Variants in HMCN1 observed in about 807,000 individuals in gnomAD.
The protein encoded by HMCN1 is hemicentin 1, also known as hemicentin-1.
In HMCN1, 321 loss-of-function variants were observed where a neutral mutation model predicts 625.9. The observed-to-expected ratio is 0.51, with a 90% CI of 0.47 to 0.56. The LOEUF is 0.56. Ranked by LOEUF, HMCN1 falls within the 20% of genes least tolerant of loss-of-function variation. The probability of loss-of-function intolerance (pLI) is 0.00; values close to 1 mark genes in which losing one functional copy is unlikely to be tolerated. For missense variants in HMCN1, 6,588 were observed against 6,887.3 expected (o/e 0.96, Z 1.54); for synonymous variants, 2,425 against 2,417.6 (o/e 1.00, Z -0.09).
chr1:186,140,407 T>A (rs1179198572), intron 89 of HMCN1, among the ~76,000 whole-genome samples: 1 of 151,998 alleles, frequency 6.6e-6, no homozygotes, highest in African/African-American at 2.4e-5. Flanking sequence ...GTCTAACATC[T>A]CCTCATGATT....
At chr1:186,032,194 A>G (rs1253551238) in intron 36 of HMCN1, among the ~76,000 whole-genome samples, 1 of 152,200 alleles carries the variant, frequency 6.6e-6, no homozygotes, top group African/African-American at 2.4e-5. Flanking sequence ...CAGAATTTAC[A>G]AGGAACTCAA....
chr1:186,135,625 G>A (rs139710822), intron 86 of HMCN1, among the ~76,000 whole-genome samples: 1 of 152,268 alleles, frequency 6.6e-6, no homozygotes, highest in African/African-American at 2.4e-5. Flanking sequence ...TGTTCTTCCT[G>A]TTGTGTGCTA....
chr1:186,145,628 A>T, intron 92 of HMCN1, 55 bp downstream of exon 92: 1 of 1,610,330 alleles, frequency 6.2e-7, no homozygotes, highest in Non-Finnish European at 8.5e-7. Context: ...TTTAGTGCTC[A>T]TTGTAGCAGG....
intron 105 of HMCN1, among the ~76,000 whole-genome samples, chr1:186,183,275 T>A (rs1571479113): frequency 6.6e-6 from 1 of 152,312 alleles, no homozygotes; most frequent in South Asian, 2.1e-4. Flanking sequence ...CAATGCAGCT[T>A]ATGGAAAATG....
intron 15 of HMCN1, among the ~76,000 whole-genome samples, chr1:185,973,998 A>G (rs1382467624): frequency 6.6e-6 from 1 of 152,206 alleles, no homozygotes; most frequent in Non-Finnish European, 1.5e-5. Context: ...CCCTAAGGGA[A>G]CTAGAATAAT....
intron 36 of HMCN1, among the ~76,000 whole-genome samples, chr1:186,027,243 A>G (rs747412371): frequency 6.6e-6 from 1 of 152,136 alleles, no homozygotes; most frequent in Non-Finnish European, 1.5e-5. Context: ...AAAGGGCAGG[A>G]GCCCTCAGTA....
chr1:186,145,949 A>G lies in HMCN1; in HGVS notation c.14608+26A>G. The G allele has an allele frequency of 1.9e-6, 3 of 1,611,318 alleles. No individual in the cohort carries two copies. In the East Asian group the frequency reaches 6.7e-5, roughly 36 times the overall value. Reference sequence around the variant, plus strand: ...GTAAGCAACTAAATTGGACTTTGGTAGCACATTTAGAGCCTTTGTGCAAAT... The same window carrying G: ...GTAAGCAACTAAATTGGACTTTGGTGGCACATTTAGAGCCTTTGTGCAAAT... On this transcript the variant is annotated intron_variant, in intron 93 of 106. Transcript: ENST00000271588.
chr1:185,768,676 C>T (rs904297642), intron 1 of HMCN1, among the ~76,000 whole-genome samples: 4 of 152,264 alleles, frequency 2.6e-5, no homozygotes, highest in Admixed American at 1.3e-4. Flanking sequence ...CTGGGTGTGG[C>T]GGCTCACGCC....
At chr1:185,747,633 G>T (rs73058381) in intron 1 of HMCN1, among the ~76,000 whole-genome samples, 4,668 of 152,186 alleles carry the variant, frequency 0.031, 259 homozygotes, top group African/African-American at 0.11. Flanking sequence ...TTACTTTTAA[G>T]CATGCATTTA....
At chr1:185,854,642 T>C (rs1662353616) in intron 2 of HMCN1, among the ~76,000 whole-genome samples, 1 of 152,214 alleles carries the variant, frequency 6.6e-6, no homozygotes, top group Non-Finnish European at 1.5e-5. Context: ...TTTATATTCA[T>C]GGTGATTTTT....
chr1:185,806,174 G>A (rs1243928401), intron 1 of HMCN1, among the ~76,000 whole-genome samples: 1 of 151,994 alleles, frequency 6.6e-6, no homozygotes, highest in East Asian at 1.9e-4. Flanking sequence ...ACTCTACGAA[G>A]TAGTTCTATT....
intron 1 of HMCN1, among the ~76,000 whole-genome samples, chr1:185,799,328 C>T (rs981551874): frequency 2.0e-5 from 3 of 152,292 alleles, no homozygotes; most frequent in Admixed American, 6.5e-5. Context: ...AGGTCAACCT[C>T]CAGGCCAGTA....
chr1:186,097,237 C>A (rs1660177208), intron 68 of HMCN1, among the ~76,000 whole-genome samples: 1 of 152,160 alleles, frequency 6.6e-6, no homozygotes, highest in African/African-American at 2.4e-5. Flanking sequence ...TATTTGCCAA[C>A]AGCAAATTGT....
At position 186,076,631 on chromosome 1, in the gene HMCN1, T is replaced by G. The variant is rs748285189; in HGVS notation, c.8485+9T>G. ...AGTATTGATTTTGCCAGGTAAAGATTGATACCAACAGGGTGAAAAGCTGAC... is the reference window on the plus strand; with the variant it reads ...AGTATTGATTTTGCCAGGTAAAGATGGATACCAACAGGGTGAAAAGCTGAC... On this transcript the variant is annotated intron_variant, in intron 54 of 106. Coordinates refer to ENST00000271588, the MANE Select transcript of HMCN1 (RefSeq NM_031935.3). 6.2e-7 allele frequency: 1 copy of G among 1,611,034 alleles called. No individual in the cohort carries two copies. Among genetic ancestry groups the G allele is most frequent in the South Asian group, 1.1e-5 (1 of 91,058 alleles).
intron 82 of HMCN1, among the ~76,000 whole-genome samples, chr1:186,126,395 TATATCTAGAG>T (rs1661647581): frequency 6.6e-6 from 1 of 152,110 alleles, no homozygotes; most frequent in Non-Finnish European, 1.5e-5. Context: ...TCATGGAGTT[TATATCTAGAG>T]GAAGGAGACA....
intron 4 of HMCN1, among the ~76,000 whole-genome samples, chr1:185,869,366 A>G (rs551009088): frequency 1.3e-5 from 2 of 152,290 alleles, no homozygotes; most frequent in African/African-American, 2.4e-5. Context: ...GAGATAATGC[A>G]CTTAAATGTT....
chr1:186,181,064 A>G (rs1652897733), intron 104 of HMCN1, among the ~76,000 whole-genome samples: 1 of 152,180 alleles, frequency 6.6e-6, no homozygotes, highest in Non-Finnish European at 1.5e-5. Flanking sequence ...TGAATGCAGA[A>G]ATCACACTTG....
At chr1:186,099,994 ATGAAT>A (rs989118568) in intron 68 of HMCN1, among the ~76,000 whole-genome samples, 3 of 152,076 alleles carry the variant, frequency 2.0e-5, no homozygotes, top group African/African-American at 7.2e-5. Flanking sequence ...AGAGTGAAAA[ATGAAT>A]TGAAGAGGCT....
chr1:186,108,432 G>A (rs1383552667), intron 70 of HMCN1, 29 bp from the exon 71 acceptor site: 4 of 1,613,774 alleles, frequency 2.5e-6, no homozygotes, highest in Admixed American at 1.7e-5. Flanking sequence ...AATACAGATT[G>A]CTTTTGTTGT....
Sources: gnomAD v4.1 joint callset for allele counts (sites outside exome capture counted in the v4.1 genomes callset) on GRCh38, gnomAD v4.1.1 for gene constraint, MANE v1.5 for transcripts, NCBI Gene and HGNC (gene_info 2026-07-23, HGNC 2026-07-21) for gene names.